The following ATL2 variants were observed in gnomAD, a reference collection of about 807,000 sequenced individuals.
ATL2 encodes the protein atlastin GTPase 2.
ATL2 carries 31 observed loss-of-function variants against 73.9 expected under a neutral mutation model. That is an observed-to-expected ratio of 0.42 (90% CI 0.32 to 0.57). The LOEUF (loss-of-function observed/expected upper bound fraction) is 0.57, where lower values mean the gene tolerates loss of function less well. Among genes scored for constraint, ATL2 ranks in the 20% least tolerant of loss-of-function variants. ATL2 has a pLI of 0.14. For synonymous variants in ATL2, 291 were observed against 237.5 expected (o/e 1.23, Z -2.07); for missense variants, 738 against 702.6 (o/e 1.05, Z -0.57).
At chr2:38,320,296 G>A (rs1255795923) in intron 2 of ATL2, among the ~76,000 whole-genome samples, 1 of 151,930 alleles carries the variant, frequency 6.6e-6, no homozygotes, top group African/African-American at 2.4e-5. Flanking sequence ...TGATACTGTG[G>A]TTAGGAAAAA....
At position 38,320,061 on chromosome 2, in the gene ATL2, C is replaced by T. The variant is rs143601348; in HGVS notation, c.364-1042G>A. 6.8e-3 allele frequency among the ~76,000 whole-genome samples: 1,040 copies of T among 152,012 alleles called. 11 individuals are homozygous for T. The highest frequency in any genetic ancestry group is 0.056 in the East Asian group (290 of 5,142). ...GGCAGAGGTTGCAGTGAGCAGAGAT[C>T]GCGCCACTGCACTCCAGCCTGGCCA... On this transcript the variant is annotated intron_variant, in intron 2 of 12. Transcript: ENST00000378954.
intron 2 of ATL2, among the ~76,000 whole-genome samples, chr2:38,326,609 A>G (rs1389844771): frequency 6.6e-6 from 1 of 152,258 alleles, no homozygotes; most frequent in Non-Finnish European, 1.5e-5. Context: ...GTAACACAAA[A>G]AGAAAATCTT....
chr2:38,370,526 T>G lies in ATL2; in HGVS notation c.118+6617A>C, dbSNP rs190013690. Among the ~76,000 whole-genome samples the G allele has an allele frequency of 5.7e-4, 84 of 148,076 alleles. 1 individual carries two copies. The highest frequency in any genetic ancestry group is 2.0e-3 in the African/African-American group (82 of 40,604). ...TGGCTCATGCCTGTAATCCCAGCAC[T>G]TTGGGAGCCCAAGGCGGGCGGATCA... is the stretch of plus-strand genomic sequence containing the variant. On this transcript the variant is annotated intron_variant, in intron 1 of 12. Transcript: ENST00000378954.
chr2:38,370,239 G>T (rs1303852529), intron 1 of ATL2, among the ~76,000 whole-genome samples: 3 of 148,586 alleles, frequency 2.0e-5, no homozygotes, highest in African/African-American at 7.5e-5. Context: ...CGAGGTGGGT[G>T]GATCACCTGA....
At position 38,299,243 on chromosome 2, in the gene ATL2, T is replaced by A; in HGVS notation, c.1200+13A>T. 1 of 1,497,218 alleles carries A rather than the reference T, an allele frequency of 6.7e-7. No individual in the cohort carries two copies. The highest frequency in any genetic ancestry group is 8.8e-7 in the Non-Finnish European group (1 of 1,132,338). The allele number at this position is 1,497,218 out of a possible 1,614,324, so 92.7% of individuals were successfully genotyped here. ...TCTCACTCCAGCATCAAATTTAAATTTTAGGTACAAACCTGTTCCATACTT... is the reference window on the plus strand; with the variant it reads ...TCTCACTCCAGCATCAAATTTAAATATTAGGTACAAACCTGTTCCATACTT... On this transcript the variant is annotated intron_variant, in intron 11 of 12. Coordinates refer to ENST00000378954, the MANE Select transcript of ATL2 (RefSeq NM_001135673.4).
At chr2:38,316,141 A>C (rs1361638951) in intron 4 of ATL2, among the ~76,000 whole-genome samples, 4 of 152,366 alleles carry the variant, frequency 2.6e-5, no homozygotes, top group African/African-American at 9.6e-5. Flanking sequence ...CGAAGAGAGA[A>C]CAATCTGTTC....
chr2:38,303,959 C>T (rs1025296257), intron 9 of ATL2, among the ~76,000 whole-genome samples: 1 of 152,044 alleles, frequency 6.6e-6, no homozygotes, highest in Non-Finnish European at 1.5e-5. Flanking sequence ...AGAGAAATGA[C>T]GTCTCTGTTA....
intron 2 of ATL2, 135 bp downstream of exon 2, chr2:38,343,133 G>C (rs918316768): frequency 3.7e-6 from 3 of 814,116 alleles, no homozygotes; most frequent in East Asian, 3.9e-5. Context: ...GGGTAACAGA[G>C]TGAGACCACT....
intron 1 of ATL2, among the ~76,000 whole-genome samples, chr2:38,364,083 G>A (rs1671164723): frequency 6.6e-6 from 1 of 152,110 alleles, no homozygotes; most frequent in Non-Finnish European, 1.5e-5. Context: ...CCAACATGGT[G>A]AAACCCTGTC....
chr2:38,311,316 G>A (rs1184939221), intron 7 of ATL2, among the ~76,000 whole-genome samples: 1 of 151,678 alleles, frequency 6.6e-6, no homozygotes, highest in African/African-American at 2.4e-5. Context: ...ATGTATTAGG[G>A]GGAAAAAAAT....
intron 1 of ATL2, among the ~76,000 whole-genome samples, chr2:38,373,780 A>G (rs1444800066): frequency 1.3e-5 from 2 of 152,248 alleles, no homozygotes; most frequent in Non-Finnish European, 2.9e-5. Context: ...CTCCATGACC[A>G]TAACAAACAG....
intron 1 of ATL2, among the ~76,000 whole-genome samples, chr2:38,364,733 T>G (rs975380524): frequency 5.3e-5 from 8 of 152,172 alleles, no homozygotes; most frequent in African/African-American, 1.7e-4. Flanking sequence ...GTTTAAGAAT[T>G]CTCTTTTAGG....
At position 38,313,247 on chromosome 2, in the gene ATL2, T is replaced by G. The variant is rs758842935; in HGVS notation, c.712-4A>C. ...CTCGAATCAAAAACATTAATGTCTA[T>G]ACACAGAAAAAATAAAAATTGTTTA... On this transcript the variant is annotated splice_region_variant and splice_polypyrimidine_tract_variant and intron_variant, in intron 6 of 12. Transcript: ENST00000378954. The G allele has an allele frequency of 1.9e-6, 3 of 1,581,160 alleles. No homozygotes were observed. The East Asian group carries it at 6.7e-5, about 35-fold the overall frequency.
intron 2 of ATL2, among the ~76,000 whole-genome samples, chr2:38,326,139 C>T (rs986086354): frequency 1.5e-4 from 23 of 152,272 alleles, no homozygotes; most frequent in Admixed American, 3.3e-4. Context: ...CTCTCCTACA[C>T]TTTACCACCT....
At chr2:38,339,302 G>C (rs1051913139) in intron 2 of ATL2, among the ~76,000 whole-genome samples, 7 of 152,088 alleles carry the variant, frequency 4.6e-5, no homozygotes, top group African/African-American at 1.7e-4. Flanking sequence ...CTAAATCTAG[G>C]AATCGTATTC....
chr2:38,303,551 T>C (rs1391794753), intron 9 of ATL2, among the ~76,000 whole-genome samples: 2 of 151,896 alleles, frequency 1.3e-5, no homozygotes, highest in African/African-American at 4.8e-5. Context: ...AGACAGGCTA[T>C]TTGAAAATAC....
At chr2:38,315,957 A>C (rs1164371381) in intron 4 of ATL2, among the ~76,000 whole-genome samples, 2 of 152,178 alleles carry the variant, frequency 1.3e-5, no homozygotes, top group African/African-American at 2.4e-5. Flanking sequence ...TTTTTGGAGG[A>C]GACTAGAGTT....
At chr2:38,364,709 G>C (rs1054611926) in intron 1 of ATL2, among the ~76,000 whole-genome samples, 1 of 152,206 alleles carries the variant, frequency 6.6e-6, no homozygotes, top group Admixed American at 6.5e-5. Flanking sequence ...AGGTTTCCTT[G>C]ACTCAGGCAT....
chr2:38,302,242 G>T lies in ATL2; in HGVS notation c.1072-1914C>A, dbSNP rs2148406606. 2.0e-5 allele frequency among the ~76,000 whole-genome samples: 3 copies of T among 152,224 alleles called. No homozygotes were observed. The Middle Eastern group carries it at 0.01, about 518-fold the overall frequency. ...GAGATTCAGAAATGTGCTGGCTTCA[G>T]GTGTGACCCAGCACATTCCCAGATG... On this transcript the variant is annotated intron_variant, in intron 9 of 12. Transcript: ENST00000378954.
Sources: gnomAD v4.1 joint callset for allele counts (sites outside exome capture counted in the v4.1 genomes callset) on GRCh38, gnomAD v4.1.1 for gene constraint, MANE v1.5 for transcripts, NCBI Gene and HGNC (gene_info 2026-07-23, HGNC 2026-07-21) for gene names.